The following PKD2L1 variants were observed in gnomAD, a reference collection of about 807,000 sequenced individuals.
PKD2L1 encodes polycystin 2 like 1, transient receptor potential cation channel.
In PKD2L1, 77 loss-of-function variants were observed where a neutral mutation model predicts 93.0. The ratio of observed to expected loss-of-function variants is 0.83; its 90% CI spans 0.69 to 1.00. PKD2L1 has a LOEUF of 1.00. PKD2L1 is among the 50% of genes least tolerant of loss of function. PKD2L1 has a pLI of 0.00. For synonymous variants in PKD2L1, 390 were observed against 388.0 expected (o/e 1.01, Z -0.06); for missense variants, 977 against 990.9 (o/e 0.99, Z 0.19).
At chr10:100,292,634 G>A (rs78877114) in intron 11 of PKD2L1, among the ~76,000 whole-genome samples, 200 of 152,316 alleles carry the variant, frequency 1.3e-3, no homozygotes, top group African/African-American at 4.7e-3. Flanking sequence ...GAGTGTTTGT[G>A]GGGAAGCATA....
rs61413476 is a variant in PKD2L1 at position 100,306,855 on chromosome 10, C to CAA, written c.350-7139_350-7138dup. On this transcript the variant is annotated intron_variant, in intron 2 of 15. Transcript: ENST00000318222. ...CCTGGGCGAGAGAGTGAGACCCTGT[C>CAA]AAAAAAAAAAAAAAAAAAGAAAGAG... Among the ~76,000 whole-genome samples the CAA allele has an allele frequency of 2.6e-3, 129 of 49,848 alleles. 1 individual carries two copies. Among genetic ancestry groups the CAA allele is most frequent in the South Asian group, 0.013 (18 of 1,374 alleles). 32.7% of individuals were successfully genotyped at this position (49,848 alleles called of 152,430 possible). A position where few individuals can be genotyped will look rare whatever the true frequency, so the allele number is the denominator to read the frequency against.
In PKD2L1 at chr10:100,288,470, A is replaced by G. The variant is rs775780016; in HGVS notation, c.2344T>C (p.Tyr782His). ...TCTAAGGCTTCCTCTTCTCTTTTAT[A>G]GGGAACCTCTGTGGGGGAAAACGAG... ...VQGGQESEVP[Y>H]KREEEALEER... Residue 782 changes from tyrosine (Y) to histidine (H), a missense_variant, in exon 16 of 16, where the codon TAT becomes CAT. Coordinates refer to ENST00000318222, the MANE Select transcript of PKD2L1 (RefSeq NM_016112.3). The G allele has an allele frequency of 2.3e-5, 37 of 1,606,482 alleles. No homozygotes were observed. The highest frequency in any genetic ancestry group is 2.9e-5 in the Non-Finnish European group (34 of 1,173,160).
intron 2 of PKD2L1, among the ~76,000 whole-genome samples, chr10:100,303,412 A>G (rs7098789): frequency 0.59 from 88,995 of 151,808 alleles, 26,521 homozygotes; most frequent in African/African-American, 0.69. Context: ...TCGAACCCCC[A>G]ACCTCAGGTG....
rs768335459 is a variant in PKD2L1, at chr10:100,297,011, A to T, written c.1154T>A (p.Ile385Asn). ...HIHRLRYLSS[I>N]WNILDLVVIL... Reference sequence around the variant, plus strand: ...GACCACCAGGTCCAGTATGTTCCAGATGCTGCTGAGGTAGCGAAGCCGGTG... The same window carrying T: ...GACCACCAGGTCCAGTATGTTCCAGTTGCTGCTGAGGTAGCGAAGCCGGTG... The change falls in exon 6 of 16, where the codon ATC (isoleucine) becomes AAC (asparagine). Residue 385 changes from isoleucine (I) to asparagine (N), a missense_variant. Physicochemically the swap from Ile to Asn is moderately radical, Grantham distance 149 (BLOSUM62 -3). Coordinates refer to ENST00000318222, the MANE Select transcript of PKD2L1 (RefSeq NM_016112.3). 6.2e-7 allele frequency: 1 copy of T among 1,613,886 alleles called. No individual in the cohort carries two copies. Among genetic ancestry groups the T allele is most frequent in the Non-Finnish European group, 8.5e-7 (1 of 1,179,752 alleles).
intron 11 of PKD2L1, among the ~76,000 whole-genome samples, chr10:100,292,092 G>A (rs1848418220): frequency 1.3e-5 from 2 of 151,880 alleles, no homozygotes; most frequent in African/African-American, 4.8e-5. Context: ...CTTCCAGGAA[G>A]CCTTCCCTTA....
chr10:100,294,983 G>A lies in PKD2L1; in HGVS notation c.1497C>T (p.Phe499=), dbSNP rs183561011. 16 of 1,614,176 alleles carry A rather than the reference G, an allele frequency of 9.9e-6. No homozygotes were observed. Among genetic ancestry groups the A allele is most frequent in the East Asian group, 8.9e-5 (4 of 44,880 alleles). ...FAYAQLGYLL[F]GTQVENFSTF... ...TGCTAAAGTTTTCCACTTGGGTCCC[G>A]AAAAGCAGGTAGCCGAGTTGGGCAT... The change falls in exon 8 of 16, where the codon TTC becomes TTT. Residue 499 remains phenylalanine, a synonymous_variant. Transcript: ENST00000318222.
At chr10:100,288,925 A>C (rs1848341153) in intron 15 of PKD2L1, 47 bp downstream of exon 15, 4 of 1,287,882 alleles carry the variant, frequency 3.1e-6, no homozygotes, top group Non-Finnish European at 4.4e-6. Flanking sequence ...GTGCGGAGGC[A>C]GAGGGAGGGA....
intron 13 of PKD2L1, 125 bp from the exon 14 acceptor site, chr10:100,290,263 T>C: frequency 1.5e-6 from 2 of 1,372,206 alleles, no homozygotes; most frequent in East Asian, 2.3e-5. Flanking sequence ...GACCCAGCCT[T>C]GTAGGCAGAA....
intron 2 of PKD2L1, among the ~76,000 whole-genome samples, chr10:100,301,069 G>T (rs763167579): frequency 1.2e-4 from 19 of 152,124 alleles, no homozygotes; most frequent in Non-Finnish European, 2.4e-4. Context: ...ATGTCGGCAG[G>T]TTCCATGATG....
intron 4 of PKD2L1, among the ~76,000 whole-genome samples, 187 bp downstream of exon 4, chr10:100,298,375 C>G (rs1848598676): frequency 6.6e-6 from 1 of 152,176 alleles, no homozygotes; most frequent in Non-Finnish European, 1.5e-5. Context: ...CCTACCTCCT[C>G]TGTTCCTGAG....
intron 7 of PKD2L1, 60 bp from the exon 8 acceptor site, chr10:100,295,183 C>G (rs1200963089): frequency 6.8e-7 from 1 of 1,462,536 alleles, no homozygotes; most frequent in Non-Finnish European, 9.5e-7. Context: ...ATTGAAAAGT[C>G]CATGCCAAGG....
At chr10:100,294,819 T>C in intron 8 of PKD2L1, 123 bp downstream of exon 8, 1 of 1,300,676 alleles carries the variant, frequency 7.7e-7, no homozygotes, top group Non-Finnish European at 1.1e-6. Context: ...CTGGAGACCC[T>C]CACACAGATG....
chr10:100,313,303 G>A (rs1848974709), intron 2 of PKD2L1, among the ~76,000 whole-genome samples: 1 of 152,202 alleles, frequency 6.6e-6, no homozygotes, highest in Admixed American at 6.5e-5. Context: ...GGAAGCCTGA[G>A]AAGAGTAGCC....
At chr10:100,329,451 T>A in intron 1 of PKD2L1, 127 bp from the exon 2 acceptor site, 4 of 1,332,742 alleles carry the variant, frequency 3.0e-6, no homozygotes, top group Non-Finnish European at 4.1e-6. Flanking sequence ...ACCTTCATCC[T>A]TGGCTGAATC....
chr10:100,314,033 T>C (rs1848996831), intron 2 of PKD2L1, among the ~76,000 whole-genome samples: 1 of 152,144 alleles, frequency 6.6e-6, no homozygotes, highest in Non-Finnish European at 1.5e-5. Context: ...GGGGCTTTGC[T>C]AGGTTGCCCA....
chr10:100,297,681 T>C, intron 4 of PKD2L1, 75 bp from the exon 5 acceptor site: 1 of 1,041,272 alleles, frequency 9.6e-7, no homozygotes, highest in Non-Finnish European at 1.5e-6. Flanking sequence ...TATCATTGTC[T>C]GGGCTTTACA....
In PKD2L1 at chr10:100,326,276, G is replaced by A. The variant is rs549165694; in HGVS notation, c.349+2935C>T. ...ATGCCTTATAAGGCCCCTCATGATC[G>A]GCCCCTTCTTATAAGGCCAGACTTG... On this transcript the variant is annotated intron_variant, in intron 2 of 15. Transcript: ENST00000318222. Among the ~76,000 whole-genome samples the A allele has an allele frequency of 6.6e-5, 10 of 152,048 alleles. No individual in the cohort carries two copies. The East Asian group carries it at 7.7e-4, about 12-fold the overall frequency.
chr10:100,291,362 C>T lies in PKD2L1; in HGVS notation c.1946G>A (p.Gly649Glu). 3.1e-6 allele frequency: 5 copies of T among 1,614,064 alleles called. No individual in the cohort carries two copies. Among genetic ancestry groups the T allele is most frequent in the Non-Finnish European group, 4.2e-6 (5 of 1,179,976 alleles). ...TATFTKFDRD[G>E]NRILDEKEQE... ...TTCCTTCTCATCCAGAATACGATTC[C>T]CATCTCTGTCAAACTTGGTGAAGGT... Residue 649 changes from glycine to glutamate, a missense_variant, in exon 12 of 16, where the codon GGG becomes GAG. Physicochemically the swap from Gly to Glu is moderately conservative, Grantham distance 98 (BLOSUM62 -2). Coordinates refer to ENST00000318222, the MANE Select transcript of PKD2L1 (RefSeq NM_016112.3).
At chr10:100,296,323 G>A in intron 6 of PKD2L1, 31 bp from the exon 7 acceptor site, 1 of 1,532,442 alleles carries the variant, frequency 6.5e-7, no homozygotes, top group Non-Finnish European at 8.7e-7. Context: ...GGGTGTCAGA[G>A]AAGGCAAGGG....
Sources: gnomAD v4.1 joint callset for allele counts (sites outside exome capture counted in the v4.1 genomes callset) on GRCh38, gnomAD v4.1.1 for gene constraint, MANE v1.5 for transcripts, NCBI Gene and HGNC (gene_info 2026-07-23, HGNC 2026-07-21) for gene names.